Variants in TRPM3 observed in about 807,000 individuals in gnomAD.
TRPM3 encodes the protein transient receptor potential cation channel subfamily M member 3.
TRPM3 carries 77 observed loss-of-function variants against 181.2 expected under a neutral mutation model. That is an observed-to-expected ratio of 0.42 (90% CI 0.35 to 0.51). TRPM3 has a LOEUF of 0.51. Ranked by LOEUF, TRPM3 falls within the 20% of genes least tolerant of loss-of-function variation. The pLI is 0.01. For missense variants in TRPM3, 1,759 were observed against 2,196.7 expected, an observed-to-expected ratio of 0.80 and a Z score of 3.98; for synonymous variants, 745 against 796.4, an observed-to-expected ratio of 0.94 and a Z score of 1.09.
At chr9:71,371,237 T>C (rs188144577) in intron 1 of TRPM3, among the ~76,000 whole-genome samples, 2 of 152,180 alleles carry the variant, frequency 1.3e-5, no homozygotes, top group Non-Finnish European at 2.9e-5. Flanking sequence ...AATCTTATTA[T>C]TGAAGGAATA....
intron 3 of TRPM3, among the ~76,000 whole-genome samples, chr9:70,848,505 G>A (rs923984855): frequency 6.6e-6 from 1 of 152,114 alleles, no homozygotes; most frequent in African/African-American, 2.4e-5. Context: ...TTCTAAGCAG[G>A]ATAAATGAAA....
At chr9:70,952,574 G>A (rs750462952) in intron 1 of TRPM3, among the ~76,000 whole-genome samples, 2 of 152,154 alleles carry the variant, frequency 1.3e-5, no homozygotes, top group Non-Finnish European at 2.9e-5. Flanking sequence ...GTCAGTTTTT[G>A]GAGGAGCTTA....
chr9:70,604,748 G>A (rs1404327144), intron 19 of TRPM3, among the ~76,000 whole-genome samples: 2 of 151,282 alleles, frequency 1.3e-5, no homozygotes, highest in Non-Finnish European at 2.9e-5. Context: ...CTGGGCTCAG[G>A]TAATTCTCCT....
chr9:71,446,276 G>T (rs2094202315), intron 1 of TRPM3, among the ~76,000 whole-genome samples: 1 of 152,272 alleles, frequency 6.6e-6, no homozygotes, highest in Middle Eastern at 3.4e-3. Context: ...AGCGGAGGCC[G>T]AGTACCTTCG....
At chr9:71,330,375 A>G (rs2090024223) in intron 1 of TRPM3, among the ~76,000 whole-genome samples, 1 of 151,868 alleles carries the variant, frequency 6.6e-6, no homozygotes, top group Non-Finnish European at 1.5e-5. Context: ...TAATCATTGT[A>G]TAGATTCACA....
At chr9:71,434,226 CAT>C (rs1248097399) in intron 1 of TRPM3, among the ~76,000 whole-genome samples, 1 of 152,044 alleles carries the variant, frequency 6.6e-6, no homozygotes, top group Admixed American at 6.6e-5. Context: ...CCCCAAAATT[CAT>C]ATGTTTAAAC....
intron 8 of TRPM3, among the ~76,000 whole-genome samples, chr9:70,694,258 C>G (rs1006462534): frequency 1.3e-5 from 2 of 152,122 alleles, no homozygotes; most frequent in African/African-American, 4.8e-5. Flanking sequence ...CTAATCACGT[C>G]CCTTTTCTAA....
intron 1 of TRPM3, among the ~76,000 whole-genome samples, chr9:71,068,839 G>A (rs2062297765): frequency 6.6e-6 from 1 of 152,164 alleles, no homozygotes; most frequent in African/African-American, 2.4e-5. Flanking sequence ...ATATGGGGAA[G>A]GGATATGTCA....
intron 1 of TRPM3, among the ~76,000 whole-genome samples, chr9:70,866,607 A>G (rs1008780565): frequency 6.6e-6 from 1 of 152,046 alleles, no homozygotes; most frequent in Admixed American, 6.6e-5. Flanking sequence ...AGTTCAGATG[A>G]AGGCTCAGAT....
rs2078104788 is a variant in TRPM3, at chr9:71,192,652, T to G, written c.183+254001A>C. ...GTGACTTCCTTAAATATTTTGAATA[T>G]TAACCCCTTATCAGATATATGGCTT... On this transcript the variant is annotated intron_variant, in intron 1 of 24. Transcript: ENST00000357533. Among the ~76,000 whole-genome samples the G allele has an allele frequency of 2.0e-5, 3 of 151,932 alleles. No homozygotes were observed. The East Asian group carries it at 5.8e-4, about 29-fold the overall frequency.
intron 1 of TRPM3, among the ~76,000 whole-genome samples, chr9:70,883,304 T>TTA (rs1270809695): frequency 6.6e-6 from 1 of 152,176 alleles, no homozygotes; most frequent in Non-Finnish European, 1.5e-5. Context: ...AACTAACCAA[T>TTA]TATAATCCCT....
rs1157301406 is a variant in TRPM3, at chr9:71,168,535, GATTTATTTATTTATTTATTT to G, written c.183+278098_183+278117del. 1.1e-3 allele frequency among the ~76,000 whole-genome samples: 73 copies of G among 67,832 alleles called. 1 individual carries two copies. Among genetic ancestry groups the G allele is most frequent in the Non-Finnish European group, 1.6e-3 (53 of 33,130 alleles). 44.5% of individuals were successfully genotyped at this position (67,832 alleles called of 152,430 possible). A position where few individuals can be genotyped will look rare whatever the true frequency, so the allele number is the denominator to read the frequency against. On this transcript the variant is annotated intron_variant, in intron 1 of 24. Transcript: ENST00000357533. ...CTTTTTTTTTTTTTTTTTAAGGTGTGATTTATTTATTTATTTATTTATTTATTTATTTATTTATTTTTGTT... is the reference window on the plus strand; with the variant it reads ...CTTTTTTTTTTTTTTTTTAAGGTGTGATTTATTTATTTATTTATTTTTGTT...
At position 71,174,210 on chromosome 9, in the gene TRPM3, G is replaced by C. The variant is rs149666618; in HGVS notation, c.183+272443C>G. Among the ~76,000 whole-genome samples, 14 of 152,130 alleles carry C rather than the reference G, an allele frequency of 9.2e-5. 1 individual carries two copies. The highest frequency in any genetic ancestry group is 2.6e-4 in the Admixed American group (4 of 15,260). Reference sequence around the variant, plus strand: ...TAGATGAGCTAAAATGGAAGACATCGCAGGAAAATTAAGTTGAAATGCCCA... The same window carrying C: ...TAGATGAGCTAAAATGGAAGACATCCCAGGAAAATTAAGTTGAAATGCCCA... On this transcript the variant is annotated intron_variant, in intron 1 of 24. Coordinates refer to the TRPM3 transcript ENST00000357533.
At chr9:70,900,364 C>A (rs1361868342) in intron 1 of TRPM3, among the ~76,000 whole-genome samples, 1 of 150,464 alleles carries the variant, frequency 6.6e-6, no homozygotes, top group Non-Finnish European at 1.5e-5. Context: ...AACAAACAAA[C>A]AAACAACAAA....
At chr9:71,128,229 G>A (rs2074165245) in intron 1 of TRPM3, among the ~76,000 whole-genome samples, 1 of 151,856 alleles carries the variant, frequency 6.6e-6, no homozygotes, top group South Asian at 2.1e-4. Flanking sequence ...CCAATAATGG[G>A]GTGTAAAACT....
rs147123100 is a variant in TRPM3, at chr9:70,813,530, C to T, written c.973+14317G>A. Among the ~76,000 whole-genome samples the T allele has an allele frequency of 6.7e-3, 1,016 of 152,182 alleles. 9 individuals carry two copies. The highest frequency in any genetic ancestry group is 0.023 in the African/African-American group (972 of 41,510). On this transcript the variant is annotated intron_variant, in intron 6 of 25. Transcript: ENST00000677713. Reference sequence around the variant, plus strand: ...TAGGGACTCCAAAAGGAGGCAGGGGCTGAAAATCTTCCTATTGAGTACTGT... The same window carrying T: ...TAGGGACTCCAAAAGGAGGCAGGGGTTGAAAATCTTCCTATTGAGTACTGT...
chr9:70,681,700 G>A (rs2065479472), intron 8 of TRPM3, 122 bp from the exon 9 acceptor site: 3 of 811,288 alleles, frequency 3.7e-6, no homozygotes, highest in Non-Finnish European at 4.1e-6. Context: ...TTAACCACAG[G>A]GTAAGCACAC....
chr9:70,654,451 G>A (rs2060001515), intron 9 of TRPM3, among the ~76,000 whole-genome samples: 1 of 151,948 alleles, frequency 6.6e-6, no homozygotes. Context: ...TTGGTGTTTT[G>A]AGCCCTCTCA....
intron 1 of TRPM3, among the ~76,000 whole-genome samples, chr9:71,193,823 G>C (rs1242221540): frequency 3.3e-5 from 5 of 151,850 alleles, no homozygotes; most frequent in Non-Finnish European, 5.9e-5. Context: ...CAAGTGGTTT[G>C]ATATTGACAC....
Sources: gnomAD v4.1 joint callset for allele counts (sites outside exome capture counted in the v4.1 genomes callset) on GRCh38, gnomAD v4.1.1 for gene constraint, MANE v1.5 for transcripts, NCBI Gene and HGNC (gene_info 2026-07-23, HGNC 2026-07-21) for gene names.